Variants in NRG3 observed in about 807,000 individuals in gnomAD.
The protein encoded by NRG3 is pro-neuregulin-3, membrane-bound isoform.
NRG3 carries 31 observed loss-of-function variants against 66.9 expected under a neutral mutation model. That is an observed-to-expected ratio of 0.46 (90% CI 0.35 to 0.63). The LOEUF is 0.63. Among genes scored for constraint, NRG3 ranks in the 20% least tolerant of loss-of-function variants. The pLI is 0.00. For missense variants in NRG3, 910 were observed against 878.9 expected, an observed-to-expected ratio of 1.04 and a Z score of -0.45; for synonymous variants, 393 against 359.4, an observed-to-expected ratio of 1.09 and a Z score of -1.06.
At chr10:82,104,926 CTT>C (rs1476636766) in intron 1 of NRG3, among the ~76,000 whole-genome samples, 20 of 152,160 alleles carry the variant, frequency 1.3e-4, no homozygotes, top group Middle Eastern at 6.8e-3. Flanking sequence ...ATATCAAACA[CTT>C]AACTTTATTT....
chr10:82,341,499 C>T (rs1462211551), intron 1 of NRG3, among the ~76,000 whole-genome samples: 1 of 152,070 alleles, frequency 6.6e-6, no homozygotes, highest in Non-Finnish European at 1.5e-5. Context: ...AGCATTATTA[C>T]TGCATGCTGA....
At chr10:82,124,006 A>G (rs1185071424) in intron 1 of NRG3, among the ~76,000 whole-genome samples, 1 of 152,028 alleles carries the variant, frequency 6.6e-6, no homozygotes, top group African/African-American at 2.4e-5. Context: ...TGTCAAGAAA[A>G]GATCAAATCC....
At chr10:82,333,919 G>A (rs1316489505) in intron 1 of NRG3, among the ~76,000 whole-genome samples, 1 of 152,098 alleles carries the variant, frequency 6.6e-6, no homozygotes, top group Non-Finnish European at 1.5e-5. Context: ...GCCGGGGGCG[G>A]TGACTCACGC....
intron 1 of NRG3, among the ~76,000 whole-genome samples, chr10:82,273,997 A>G (rs2078723107): frequency 6.6e-6 from 1 of 152,020 alleles, no homozygotes; most frequent in Non-Finnish European, 1.5e-5. Flanking sequence ...GGAAGAGGGA[A>G]GCTTTAAAAT....
At chr10:82,898,307 T>G (rs1843859309) in intron 4 of NRG3, among the ~76,000 whole-genome samples, 1 of 152,172 alleles carries the variant, frequency 6.6e-6, no homozygotes, top group South Asian at 2.1e-4. Flanking sequence ...GATCAATTCC[T>G]AAATCCTTCT....
chr10:82,913,288 T>C (rs979946708), intron 4 of NRG3, among the ~76,000 whole-genome samples: 1 of 152,190 alleles, frequency 6.6e-6, no homozygotes, highest in Non-Finnish European at 1.5e-5. Flanking sequence ...TTGCTGTCAT[T>C]CATTTCACTT....
At chr10:82,310,551 T>C (rs1309881477) in intron 1 of NRG3, among the ~76,000 whole-genome samples, 1 of 152,120 alleles carries the variant, frequency 6.6e-6, no homozygotes, top group Non-Finnish European at 1.5e-5. Context: ...AAAAGAATAA[T>C]ATCGTATTTT....
At chr10:82,443,880 T>G in intron 2 of NRG3, among the ~76,000 whole-genome samples, 1 of 152,166 alleles carries the variant, frequency 6.6e-6, no homozygotes, top group Admixed American at 6.5e-5. Context: ...GTGCTTTCAT[T>G]ATGAAGAAAT....
chr10:82,263,610 C>T (rs942227873), intron 1 of NRG3, among the ~76,000 whole-genome samples: 1 of 152,114 alleles, frequency 6.6e-6, no homozygotes, highest in African/African-American at 2.4e-5. Flanking sequence ...ACTACATACA[C>T]ACACACCACA....
chr10:82,488,894 A>C (rs540291275), intron 2 of NRG3, among the ~76,000 whole-genome samples: 3 of 152,208 alleles, frequency 2.0e-5, no homozygotes, highest in Non-Finnish European at 4.4e-5. Context: ...CTTCTATCAC[A>C]TTACTCTTGC....
intron 2 of NRG3, among the ~76,000 whole-genome samples, chr10:82,465,430 C>G (rs745981225): frequency 3.9e-5 from 6 of 152,158 alleles, no homozygotes; most frequent in Non-Finnish European, 7.4e-5. Context: ...ACCAGGATCC[C>G]TTTGTCTTCG....
intron 3 of NRG3, among the ~76,000 whole-genome samples, chr10:82,761,006 A>G (rs111340104): frequency 6.6e-6 from 1 of 152,074 alleles, no homozygotes; most frequent in African/African-American, 2.4e-5. Flanking sequence ...AAAATTCAAT[A>G]AATAGCACTG....
intron 1 of NRG3, among the ~76,000 whole-genome samples, chr10:82,003,645 A>G (rs981990486): frequency 2.0e-5 from 3 of 152,198 alleles, no homozygotes; most frequent in Non-Finnish European, 4.4e-5. Flanking sequence ...GAATGTGTCC[A>G]TTAGATTTGG....
chr10:82,563,242 T>C (rs996075324), intron 2 of NRG3, among the ~76,000 whole-genome samples: 2 of 152,200 alleles, frequency 1.3e-5, no homozygotes, highest in African/African-American at 4.8e-5. Context: ...CTATTCATTT[T>C]ACATTTTTTT....
At chr10:82,193,222 A>T (rs1328847760) in intron 1 of NRG3, among the ~76,000 whole-genome samples, 1 of 152,168 alleles carries the variant, frequency 6.6e-6, no homozygotes, top group African/African-American at 2.4e-5. Context: ...GGCTCACTGC[A>T]ACCTCTGTCT....
intron 1 of NRG3, among the ~76,000 whole-genome samples, chr10:82,215,563 T>A (rs1189638942): frequency 2.0e-5 from 3 of 152,186 alleles, no homozygotes; most frequent in African/African-American, 7.2e-5. Flanking sequence ...TCATCTTCTG[T>A]TACTATTTTT....
At chr10:81,970,588 G>T (rs1480411588) in intron 1 of NRG3, among the ~76,000 whole-genome samples, 2 of 152,038 alleles carry the variant, frequency 1.3e-5, no homozygotes, top group African/African-American at 4.8e-5. Flanking sequence ...TAAGTATTTT[G>T]TGAACCCACC....
chr10:82,372,458 A>G (rs1334939452), intron 2 of NRG3, among the ~76,000 whole-genome samples: 1 of 152,248 alleles, frequency 6.6e-6, no homozygotes, highest in Non-Finnish European at 1.5e-5. Context: ...CCTAACAAGT[A>G]TATCACACTG....
At chr10:82,736,526 T>C (rs1272767252) in intron 2 of NRG3, among the ~76,000 whole-genome samples, 2 of 152,242 alleles carry the variant, frequency 1.3e-5, no homozygotes, top group Non-Finnish European at 2.9e-5. Flanking sequence ...TGGGCTAGGC[T>C]GCTGCAACAT....
Sources: gnomAD v4.1 joint callset for allele counts (sites outside exome capture counted in the v4.1 genomes callset) on GRCh38, gnomAD v4.1.1 for gene constraint, MANE v1.5 for transcripts, NCBI Gene and HGNC (gene_info 2026-07-23, HGNC 2026-07-21) for gene names.